ATP10B: variants seen among roughly 807,000 people sequenced by gnomAD.
ATP10B encodes ATPase phospholipid transporting 10B (putative), also known as phospholipid-transporting ATPase VB.
Under a neutral mutation model 141.2 loss-of-function variants are expected in ATP10B, and 122 were observed. That is an observed-to-expected ratio of 0.86 (90% CI 0.75 to 1.00). The LOEUF is 1.00. Among genes scored for constraint, ATP10B ranks in the 50% least tolerant of loss-of-function variants. ATP10B has a pLI of 0.00. For missense variants in ATP10B, 1,876 were observed against 1,825.3 expected (o/e 1.03, Z -0.51); for synonymous variants, 685 against 692.0 (o/e 0.99, Z 0.16).
At chr5:160,718,359 A>G (rs1263158724) in intron 2 of ATP10B, among the ~76,000 whole-genome samples, 1 of 152,204 alleles carries the variant, frequency 6.6e-6, no homozygotes, top group Non-Finnish European at 1.5e-5. Context: ...TTTGGGCCCC[A>G]GTTCTGAAGT....
chr5:160,732,048 A>C (rs1766781970), intron 2 of ATP10B, among the ~76,000 whole-genome samples: 1 of 152,208 alleles, frequency 6.6e-6, no homozygotes, highest in Non-Finnish European at 1.5e-5. Flanking sequence ...GGCCAATACA[A>C]AAAAGTGACC....
chr5:160,634,606 C>T lies in ATP10B; in HGVS notation c.1129G>A (p.Val377Met), dbSNP rs1017677387. Residue 377 changes from valine to methionine, a missense_variant and splice_region_variant, in exon 12 of 26, where the codon GTG becomes ATG. Transcript: ENST00000327245. ...MFLTMIILLQ[V>M]LIPISLYVSI... ...ACATACAAAGAGATGGGGATCAGCACCTGAAAAGAGATGAGTTTCTACCAT... is the reference window on the plus strand; with the variant it reads ...ACATACAAAGAGATGGGGATCAGCATCTGAAAAGAGATGAGTTTCTACCAT... 1.9e-5 allele frequency: 30 copies of T among 1,602,824 alleles called. No homozygotes were observed. Among genetic ancestry groups the T allele is most frequent in the Middle Eastern group, 1.7e-4 (1 of 6,022 alleles).
At chr5:160,615,543 T>C (rs1757950282) in intron 17 of ATP10B, among the ~76,000 whole-genome samples, 1 of 151,920 alleles carries the variant, frequency 6.6e-6, no homozygotes, top group African/African-American at 2.4e-5. Flanking sequence ...TGGCACATAG[T>C]AGGTGCTTAG....
chr5:160,824,108 G>A (rs1283046199), intron 1 of ATP10B, among the ~76,000 whole-genome samples: 3 of 151,682 alleles, frequency 2.0e-5, no homozygotes, highest in South Asian at 2.1e-4. Context: ...TGCAAGCTCC[G>A]CCTCCTGGGT....
chr5:160,820,653 G>A (rs193129295), intron 1 of ATP10B, among the ~76,000 whole-genome samples: 5 of 152,114 alleles, frequency 3.3e-5, no homozygotes, highest in African/African-American at 9.6e-5. Context: ...CAAAATATTA[G>A]CAAACCAAAT....
At chr5:160,725,738 C>A (rs1395535756) in intron 2 of ATP10B, among the ~76,000 whole-genome samples, 1 of 152,202 alleles carries the variant, frequency 6.6e-6, no homozygotes, top group Non-Finnish European at 1.5e-5. Flanking sequence ...AGCCACCACG[C>A]CCGGCCTACT....
rs763385041 is a variant in ATP10B, at chr5:160,755,814, CAAAAAAAAAAAAAA to C, written c.-331+29731_-331+29744del. 4.3e-3 allele frequency among the ~76,000 whole-genome samples: 205 copies of C among 48,018 alleles called. 1 individual carries two copies. Among genetic ancestry groups the C allele is most frequent in the Admixed American group, 0.012 (31 of 2,644 alleles). 31.5% of individuals were successfully genotyped at this position (48,018 alleles called of 152,430 possible). ...TGGGCGACAGAGCGAGACTCCGTCT[CAAAAAAAAAAAAAA>C]AAAAAAAAAAATATATATATATATA... On this transcript the variant is annotated intron_variant, in intron 2 of 25. Transcript: ENST00000327245.
the ATP10B span, among the ~76,000 whole-genome samples, chr5:160,900,752 C>T: frequency 1.1e-4 from 17 of 151,722 alleles, no homozygotes; most frequent in African/African-American, 3.6e-4. Context: ...GCATATACAC[C>T]AAAATATATC....
At chr5:160,695,239 TAAC>T (rs1466225718) in intron 3 of ATP10B, among the ~76,000 whole-genome samples, 3 of 152,232 alleles carry the variant, frequency 2.0e-5, no homozygotes, top group African/African-American at 7.2e-5. Flanking sequence ...TGAAGGTTGA[TAAC>T]AATTTAGTTT....
chr5:160,913,282 CCTTCTA>C, the ATP10B span, among the ~76,000 whole-genome samples: 2 of 152,120 alleles, frequency 1.3e-5, no homozygotes, highest in Non-Finnish European at 2.9e-5. Context: ...TCCCTGTTGC[CCTTCTA>C]CTTCTAAAAA....
rs145543145 is a variant in ATP10B, at chr5:160,835,558, A to T, written c.-576+16383T>A. 6.0e-3 allele frequency among the ~76,000 whole-genome samples: 915 copies of T among 152,198 alleles called. 13 individuals are homozygous for T. The highest frequency in any genetic ancestry group is 0.021 in the African/African-American group (871 of 41,530). On this transcript the variant is annotated intron_variant, in intron 1 of 25. Coordinates refer to ENST00000327245, the MANE Select transcript of ATP10B (RefSeq NM_025153.3). ...CTGGCTTGAATTCAGCTTCTCTCTC[A>T]CCTCAGGGGTTAAGGATAAAGGCAA...
chr5:160,693,542 G>A (rs1561761462), intron 3 of ATP10B, among the ~76,000 whole-genome samples: 1 of 152,076 alleles, frequency 6.6e-6, no homozygotes, highest in Admixed American at 6.6e-5. Flanking sequence ...TAGGTAGAGA[G>A]GTTGGGGAAG....
At chr5:160,884,253 T>C in the ATP10B span, among the ~76,000 whole-genome samples, 1 of 152,090 alleles carries the variant, frequency 6.6e-6, no homozygotes, top group East Asian at 1.9e-4. Context: ...TTGTACTTGT[T>C]GAAATAAACC....
intron 2 of ATP10B, among the ~76,000 whole-genome samples, chr5:160,750,369 G>A (rs1768071829): frequency 1.3e-5 from 2 of 152,136 alleles, no homozygotes; most frequent in Admixed American, 6.5e-5. Flanking sequence ...AATAGCCCCA[G>A]CCCGCTCCTC....
At chr5:160,854,064 A>C (rs943073012), upstream of ATP10B, among the ~76,000 whole-genome samples, 3 of 152,172 alleles carry the variant, frequency 2.0e-5, no homozygotes, top group Admixed American at 6.6e-5. Flanking sequence ...CAATTAAAGA[A>C]GCAATGGTAG....
chr5:160,819,282 A>T (rs56768518), intron 1 of ATP10B, among the ~76,000 whole-genome samples: 50,546 of 152,042 alleles, frequency 0.33, 9,614 homozygotes, highest in East Asian at 0.45. Context: ...TGACATACTT[A>T]AATTACTTAA....
intron 2 of ATP10B, among the ~76,000 whole-genome samples, chr5:160,775,339 A>G (rs1042435383): frequency 2.0e-5 from 3 of 152,052 alleles, no homozygotes; most frequent in Non-Finnish European, 4.4e-5. Context: ...AGATTTAGTC[A>G]AAGTCCCACT....
chr5:160,638,626 A>G (rs531126444), intron 10 of ATP10B, among the ~76,000 whole-genome samples: 5 of 152,130 alleles, frequency 3.3e-5, no homozygotes, highest in African/African-American at 1.2e-4. Flanking sequence ...CATCTTCATC[A>G]CTGTAGTGGC....
At chr5:160,617,840 C>G in intron 16 of ATP10B, 24 bp downstream of exon 16, 1 of 1,583,456 alleles carries the variant, frequency 6.3e-7, no homozygotes, top group African/African-American at 1.3e-5. Context: ...ATATTCAAAG[C>G]ACGCTTGGAG....
Sources: allele counts gnomAD v4.1 joint callset (sites outside exome capture counted in the v4.1 genomes callset), GRCh38; gene constraint gnomAD v4.1.1; transcripts MANE v1.5; gene names NCBI Gene and HGNC (gene_info 2026-07-23, HGNC 2026-07-21).